The following TIMD4 variants were observed in gnomAD, a reference collection of about 807,000 sequenced individuals.
TIMD4 encodes the protein T-cell immunoglobulin and mucin domain-containing protein 4.
In TIMD4, 31 loss-of-function variants were observed where a neutral mutation model predicts 41.2. The observed-to-expected ratio is 0.75, with a 90% CI of 0.57 to 1.01. The LOEUF (loss-of-function observed/expected upper bound fraction) is 1.01. Among genes scored for constraint, TIMD4 ranks in the 50% least tolerant of loss-of-function variants. The pLI, the probability that TIMD4 is intolerant of heterozygous loss-of-function variation, is 0.00. For missense variants in TIMD4, 479 were observed against 472.5 expected (o/e 1.01, Z -0.13); for synonymous variants, 204 against 177.1 (o/e 1.15, Z -1.21).
At chr5:156,950,670 G>C (rs922677206) in intron 3 of TIMD4, among the ~76,000 whole-genome samples, 1 of 152,138 alleles carries the variant, frequency 6.6e-6, no homozygotes, top group East Asian at 1.9e-4. Context: ...AGAGGTACAA[G>C]TTGCAGGGTC....
chr5:156,946,055 A>G (rs977748905), intron 5 of TIMD4, among the ~76,000 whole-genome samples: 1 of 152,232 alleles, frequency 6.6e-6, no homozygotes, highest in Non-Finnish European at 1.5e-5. Flanking sequence ...GGATTTGGTC[A>G]AGGAGGAGAG....
chr5:156,920,274 CAG>C (rs1482602734), intron 8 of TIMD4, among the ~76,000 whole-genome samples, 188 bp downstream of exon 8: 6 of 152,182 alleles, frequency 3.9e-5, no homozygotes, highest in African/African-American at 9.7e-5. Context: ...GCATTTTGCT[CAG>C]AGTGTTAACC....
chr5:156,956,827 C>A (rs1759980544), intron 1 of TIMD4, among the ~76,000 whole-genome samples: 1 of 152,158 alleles, frequency 6.6e-6, no homozygotes, highest in Admixed American at 6.5e-5. Context: ...CTCTTAGGCA[C>A]CCTCCTGTGA....
chr5:156,937,949 C>T (rs1264744770), intron 5 of TIMD4, among the ~76,000 whole-genome samples: 1 of 152,192 alleles, frequency 6.6e-6, no homozygotes, highest in African/African-American at 2.4e-5. Context: ...TTCTTTCTTC[C>T]TAACAATGGC....
At chr5:156,948,953 C>T (rs895272428) in intron 4 of TIMD4, among the ~76,000 whole-genome samples, 1 of 152,188 alleles carries the variant, frequency 6.6e-6, no homozygotes, top group Middle Eastern at 3.2e-3. Context: ...TGAGTGCTTA[C>T]AAATGTGCCA....
intron 5 of TIMD4, among the ~76,000 whole-genome samples, chr5:156,939,793 T>C (rs1297315365): frequency 1.3e-5 from 2 of 152,258 alleles, no homozygotes; most frequent in Admixed American, 6.5e-5. Flanking sequence ...TCTATTGTTG[T>C]TGCTGCTATC....
intron 5 of TIMD4, among the ~76,000 whole-genome samples, chr5:156,928,966 A>T (rs542789215): frequency 2.0e-5 from 3 of 152,326 alleles, no homozygotes; most frequent in African/African-American, 7.2e-5. Flanking sequence ...TGTATTTTAA[A>T]TTGGAATCGT....
chr5:156,952,351 T>C (rs1263378810), intron 2 of TIMD4, among the ~76,000 whole-genome samples: 4 of 151,098 alleles, frequency 2.6e-5, no homozygotes, highest in Admixed American at 6.6e-5. Context: ...TTTTACTGGG[T>C]CCTCCTTGCC....
At chr5:156,925,409 G>C (rs1014925196) in intron 6 of TIMD4, among the ~76,000 whole-genome samples, 2 of 152,194 alleles carry the variant, frequency 1.3e-5, no homozygotes, top group Non-Finnish European at 2.9e-5. Context: ...CTCTCTTCCT[G>C]TTCCATTCTG....
chr5:156,929,952 T>G (rs186828491), intron 5 of TIMD4, among the ~76,000 whole-genome samples: 180 of 152,312 alleles, frequency 1.2e-3, no homozygotes, highest in African/African-American at 4.2e-3. Flanking sequence ...ATATTGTTAT[T>G]AAAATTCCAT....
intron 2 of TIMD4, among the ~76,000 whole-genome samples, chr5:156,952,993 G>T (rs1270035307): frequency 6.6e-6 from 1 of 152,184 alleles, no homozygotes; most frequent in Non-Finnish European, 1.5e-5. Context: ...TATCTGATTT[G>T]AGCTTCATTA....
At chr5:156,943,988 A>C (rs1458358702) in intron 5 of TIMD4, among the ~76,000 whole-genome samples, 1 of 151,394 alleles carries the variant, frequency 6.6e-6, no homozygotes, top group African/African-American at 2.4e-5. Context: ...TGAACCCAGG[A>C]GGCAAAGCTT....
chr5:156,939,343 GGCATATAATAAGTACTCAGTAAGT>G lies in TIMD4; in HGVS notation c.844+9049_844+9072del, dbSNP rs1759598495. ...CACTAGACACGTTGAGCCAAGCCTT[GGCATATAATAAGTACTCAGTAAGT>G]GTCATTTATGAGCAATGACCTCCCA... On this transcript the variant is annotated intron_variant, in intron 5 of 8. Transcript: ENST00000274532. 2.0e-5 allele frequency among the ~76,000 whole-genome samples: 3 copies of G among 152,108 alleles called. No homozygotes were observed. In the South Asian group the frequency reaches 6.2e-4, roughly 32 times the overall value.
At chr5:156,930,204 C>T (rs538618049) in intron 5 of TIMD4, among the ~76,000 whole-genome samples, 10 of 152,116 alleles carry the variant, frequency 6.6e-5, no homozygotes, top group Admixed American at 2.0e-4. Context: ...TCAAGTGATA[C>T]GCACGCCTCA....
chr5:156,932,781 T>G (rs986740481), intron 5 of TIMD4, among the ~76,000 whole-genome samples: 2 of 151,652 alleles, frequency 1.3e-5, no homozygotes, highest in Non-Finnish European at 2.9e-5. Context: ...CCGAGGCGGA[T>G]GGATCACCTG....
rs556208813 is a variant in TIMD4 at position 156,929,294 on chromosome 5, G to A, written c.845-2982C>T. 1.4e-4 allele frequency among the ~76,000 whole-genome samples: 22 copies of A among 152,274 alleles called. 1 individual carries two copies. The South Asian group carries it at 4.2e-3, about 29-fold the overall frequency. On this transcript the variant is annotated intron_variant, in intron 5 of 8. Transcript: ENST00000274532. ...CTGACACATGTACATTGAGACAAAG[G>A]CAGGAGCCTCCCAGAACTTGGGAGT...
At chr5:156,922,808 A>C (rs1252415447) in intron 6 of TIMD4, among the ~76,000 whole-genome samples, 1 of 152,222 alleles carries the variant, frequency 6.6e-6, no homozygotes, top group Non-Finnish European at 1.5e-5. Context: ...GTCTCCTATT[A>C]AGCCAGATAT....
chr5:156,947,611 A>G (rs777572777), intron 5 of TIMD4, among the ~76,000 whole-genome samples: 1 of 152,268 alleles, frequency 6.6e-6, no homozygotes, highest in Non-Finnish European at 1.5e-5. Flanking sequence ...TTTGACATGT[A>G]TCTACATAGA....
chr5:156,952,178 T>G (rs1759874550), intron 2 of TIMD4, among the ~76,000 whole-genome samples: 1 of 151,554 alleles, frequency 6.6e-6, no homozygotes, highest in African/African-American at 2.4e-5. Context: ...TAATCCTAGC[T>G]ACTCAGGAGG....
Sources: gnomAD v4.1 joint callset for allele counts (sites outside exome capture counted in the v4.1 genomes callset) on GRCh38, gnomAD v4.1.1 for gene constraint, MANE v1.5 for transcripts, NCBI Gene and HGNC (gene_info 2026-07-23, HGNC 2026-07-21) for gene names.